HCN1: variants seen among roughly 807,000 people sequenced by gnomAD.
HCN1 encodes hyperpolarization activated cyclic nucleotide gated potassium channel 1.
HCN1 carries 13 observed loss-of-function variants against 78.9 expected under a neutral mutation model. The ratio of observed to expected loss-of-function variants is 0.16; its 90% CI spans 0.11 to 0.26. The LOEUF is 0.26. HCN1 is among the 10% of genes least tolerant of loss of function. HCN1 has a pLI of 1.00. For missense variants in HCN1, 810 were observed against 1,154.3 expected, an observed-to-expected ratio of 0.70 and a Z score of 4.32; for synonymous variants, 552 against 455.5, an observed-to-expected ratio of 1.21 and a Z score of -2.70.
chr5:45,645,620 A>T lies in HCN1; in HGVS notation c.426-12T>A, dbSNP rs1338629524. ...AATCCCAGTAAAACCTACAACAAAT[A>T]AAAAAATCAGATTTTAAGATATAGA... On this transcript the variant is annotated splice_polypyrimidine_tract_variant and intron_variant, in intron 1 of 7. Transcript: ENST00000303230. The T allele has an allele frequency of 1.9e-6, 3 of 1,567,818 alleles. No homozygotes were observed. The highest frequency in any genetic ancestry group is 2.6e-6 in the Non-Finnish European group (3 of 1,151,778).
chr5:45,582,645 T>C (rs1210807260), intron 2 of HCN1, among the ~76,000 whole-genome samples: 4 of 152,192 alleles, frequency 2.6e-5, no homozygotes, highest in African/African-American at 7.2e-5. Flanking sequence ...TAGTATGATA[T>C]TGGCTGTGGG....
chr5:45,366,045 T>G (rs565168990), intron 4 of HCN1, among the ~76,000 whole-genome samples: 2 of 151,958 alleles, frequency 1.3e-5, no homozygotes, highest in East Asian at 3.9e-4. Context: ...CAGGGCTAAA[T>G]CTACTAGGCT....
chr5:45,326,995 A>C (rs533610244), intron 5 of HCN1, among the ~76,000 whole-genome samples: 1 of 151,706 alleles, frequency 6.6e-6, no homozygotes, highest in South Asian at 2.1e-4. Context: ...CAAAAATTAA[A>C]ATTAAAAATA....
Position 45,645,524 on chromosome 5 carries a change from T to C in HCN1, c.510A>G (p.Gln170=), listed in dbSNP as rs1745532590. The C allele has an allele frequency of 1.9e-6, 3 of 1,612,692 alleles. No individual in the cohort carries two copies. The highest frequency in any genetic ancestry group is 2.5e-6 in the Non-Finnish European group (3 of 1,179,164). ...IPVGITFFTE[Q]TTTPWIIFNV... The stretch of plus-strand genomic sequence containing the variant: ...TGAAAATAATCCATGGTGTTGTTGT[T>C]TGCTCTGTAAAGAATGTGATTCCAA... The change falls in exon 2 of 8, where the codon CAA becomes CAG. Residue 170 remains glutamine (Q), a synonymous_variant. Transcript: ENST00000303230.
At chr5:45,683,478 T>C (rs77580805) in intron 1 of HCN1, among the ~76,000 whole-genome samples, 4,024 of 152,230 alleles carry the variant, frequency 0.026, 199 homozygotes, top group African/African-American at 0.091. Context: ...CCCAAGTATA[T>C]TTCTAGTTAG....
chr5:45,647,022 A>G (rs1210454574), intron 1 of HCN1, among the ~76,000 whole-genome samples: 1 of 152,190 alleles, frequency 6.6e-6, no homozygotes, highest in East Asian at 1.9e-4. Flanking sequence ...CAAAGTTACT[A>G]TCATCTGTAA....
At chr5:45,636,571 G>A (rs1745359615) in intron 2 of HCN1, among the ~76,000 whole-genome samples, 1 of 152,156 alleles carries the variant, frequency 6.6e-6, no homozygotes, top group South Asian at 2.1e-4. Flanking sequence ...ATAAGGGTCA[G>A]GCACACTGGC....
At chr5:45,548,733 G>A (rs570535685) in intron 2 of HCN1, among the ~76,000 whole-genome samples, 47 of 152,088 alleles carry the variant, frequency 3.1e-4, no homozygotes, top group African/African-American at 1.0e-3. Context: ...CCATGATTGT[G>A]TACATAGAAA....
intron 2 of HCN1, among the ~76,000 whole-genome samples, chr5:45,503,820 T>A (rs1310417760): frequency 2.0e-5 from 3 of 148,994 alleles, no homozygotes; most frequent in African/African-American, 7.5e-5. Context: ...AGTTTCATGC[T>A]TGTTGCCCAG....
intron 2 of HCN1, among the ~76,000 whole-genome samples, chr5:45,466,815 TC>T (rs1289456752): frequency 2.0e-5 from 3 of 152,148 alleles, no homozygotes. Context: ...AGGTTTTACT[TC>T]ATATGAGAGA....
chr5:45,359,907 T>C (rs1029332109), intron 4 of HCN1, among the ~76,000 whole-genome samples: 24 of 151,178 alleles, frequency 1.6e-4, no homozygotes, highest in African/African-American at 5.3e-4. Context: ...TGTCAGTGTT[T>C]AATCTACACT....
At chr5:45,493,869 C>T (rs1273382228) in intron 2 of HCN1, among the ~76,000 whole-genome samples, 39 of 150,934 alleles carry the variant, frequency 2.6e-4, no homozygotes, top group African/African-American at 7.6e-4. Flanking sequence ...TTTGTTCTTG[C>T]GATAGTTTAC....
At chr5:45,402,175 C>G (rs1739827130) in intron 3 of HCN1, among the ~76,000 whole-genome samples, 1 of 152,024 alleles carries the variant, frequency 6.6e-6, no homozygotes, top group Admixed American at 6.6e-5. Context: ...GGGAACATAC[C>G]AGGCAACACA....
chr5:45,384,751 G>T (rs1747880038), intron 4 of HCN1, among the ~76,000 whole-genome samples: 1 of 152,154 alleles, frequency 6.6e-6, no homozygotes, highest in Admixed American at 6.5e-5. Context: ...GCACTTCTGA[G>T]AATTTTAAGT....
At chr5:45,266,926 C>T (rs1011867989) in intron 7 of HCN1, among the ~76,000 whole-genome samples, 163 bp downstream of exon 7, 1 of 152,136 alleles carries the variant, frequency 6.6e-6, no homozygotes, top group Non-Finnish European at 1.5e-5. Flanking sequence ...CCAGGCTGGT[C>T]TCGAACTCCT....
At chr5:45,670,290 T>C (rs1342577150) in intron 1 of HCN1, among the ~76,000 whole-genome samples, 1 of 151,754 alleles carries the variant, frequency 6.6e-6, no homozygotes, top group Non-Finnish European at 1.5e-5. Context: ...GAGCTTTTCA[T>C]TTTTCTTCAA....
chr5:45,591,995 A>AT (rs761458202), intron 2 of HCN1, among the ~76,000 whole-genome samples: 7,501 of 146,730 alleles, frequency 0.051, 611 homozygotes, highest in African/African-American at 0.17. Flanking sequence ...TAGATAGATT[A>AT]TTTTTTTTTT....
intron 1 of HCN1, 77 bp downstream of exon 1, chr5:45,695,592 C>G (rs1739992650): frequency 2.1e-6 from 3 of 1,430,584 alleles, no homozygotes; most frequent in Admixed American, 1.9e-5. Context: ...CCCCGGGACG[C>G]CCCCCACCCA....
At chr5:45,406,825 G>A (rs956823818) in intron 3 of HCN1, among the ~76,000 whole-genome samples, 1 of 152,124 alleles carries the variant, frequency 6.6e-6, no homozygotes, top group African/African-American at 2.4e-5. Context: ...AGAGAAAAAC[G>A]CTGAGGTAAA....
Sources: allele counts gnomAD v4.1 joint callset (sites outside exome capture counted in the v4.1 genomes callset), GRCh38; gene constraint gnomAD v4.1.1; transcripts MANE v1.5; gene names NCBI Gene and HGNC (gene_info 2026-07-23, HGNC 2026-07-21).